The following CP variants were observed in gnomAD, a reference collection of about 807,000 sequenced individuals.
CP encodes caeruloplasmin.
A neutral mutation model predicts 122.4 loss-of-function variants in CP; 64 were observed. That is an observed-to-expected ratio of 0.52 (90% confidence interval 0.43 to 0.64). The LOEUF is 0.64. CP is among the 30% of genes least tolerant of loss of function. The pLI, the probability that CP is intolerant of heterozygous loss-of-function variation, is 0.00. For synonymous variants in CP, 440 were observed against 436.4 expected (o/e 1.01, Z -0.10); for missense variants, 1,167 against 1,284.4 (o/e 0.91, Z 1.40).
At chr3:149,162,434 T>G (rs1723959995) in exon 6 of CP, 2 of 1,147,870 alleles carry the variant, frequency 1.7e-6, no homozygotes, top group Non-Finnish European at 2.6e-6. Flanking sequence ...GTTTGTTTAT[T>G]GAAAAAACAG....
chr3:149,175,911 G>T, intron 18 of CP: 1 of 200,020 alleles, frequency 5.0e-6, no homozygotes, highest in East Asian at 1.3e-4. Context: ...TGTTAAGAAA[G>T]AAATTAGATT....
intron 9 of CP, 68 bp from the exon 10 acceptor site, chr3:149,188,270 C>T: frequency 7.6e-7 from 1 of 1,311,358 alleles, no homozygotes; most frequent in Non-Finnish European, 1.1e-6. Context: ...GTGCACAATA[C>T]TATTTATGCA....
At chr3:149,180,091 A>G (rs1041747597) in intron 14 of CP, 1 of 206,924 alleles carries the variant, frequency 4.8e-6, no homozygotes, top group African/African-American at 2.3e-5. Context: ...TATCTGGACT[A>G]TTTTGTGTAA....
chr3:149,178,040 A>C, intron 16 of CP, 61 bp from the exon 17 acceptor site: 1 of 1,443,656 alleles, frequency 6.9e-7, no homozygotes, highest in Non-Finnish European at 9.8e-7. Flanking sequence ...TAGCTATTTC[A>C]AAGAAAATAT....
At chr3:149,203,453 G>T (rs1451703458) in intron 6 of CP, among the ~76,000 whole-genome samples, 1 of 151,860 alleles carries the variant, frequency 6.6e-6, no homozygotes, top group African/African-American at 2.4e-5. Context: ...TAATAGAGAC[G>T]GGGCTTTGGT....
intron 1 of CP, among the ~76,000 whole-genome samples, chr3:149,216,199 G>C (rs1728446446): frequency 6.6e-6 from 1 of 152,142 alleles, no homozygotes; most frequent in Non-Finnish European, 1.5e-5. Flanking sequence ...ACTATTCTAT[G>C]GGTCAGAGTC....
chr3:149,194,365 A>T (rs1041506464), intron 9 of CP, among the ~76,000 whole-genome samples: 3 of 151,882 alleles, frequency 2.0e-5, no homozygotes, highest in African/African-American at 4.8e-5. Context: ...CAGCCTCCTG[A>T]GTAGCTGGGA....
chr3:149,213,390 T>C (rs1299765113), intron 1 of CP, among the ~76,000 whole-genome samples: 1 of 152,248 alleles, frequency 6.6e-6, no homozygotes, highest in East Asian at 1.9e-4. Flanking sequence ...CTTAAAACTT[T>C]CTTTAAAATA....
chr3:149,209,972 C>G (rs1283517113), intron 3 of CP, among the ~76,000 whole-genome samples, 195 bp downstream of exon 3: 1 of 152,110 alleles, frequency 6.6e-6, no homozygotes, highest in Admixed American at 6.6e-5. Context: ...GGCATTTTCC[C>G]CGTAGGAATG....
At chr3:149,177,734 A>T in intron 17 of CP, 106 bp downstream of exon 17, 1 of 1,196,552 alleles carries the variant, frequency 8.4e-7, no homozygotes, top group Non-Finnish European at 1.2e-6. Context: ...CACCGGCTGT[A>T]CTCTTTGCAG....
At chr3:149,198,858 T>A (rs1376425647) in intron 8 of CP, among the ~76,000 whole-genome samples, 1 of 152,226 alleles carries the variant, frequency 6.6e-6, no homozygotes, top group African/African-American at 2.4e-5. Context: ...CGTGTATTTC[T>A]CTCGAACAGA....
At chr3:149,216,319 T>C (rs1028027572) in intron 1 of CP, among the ~76,000 whole-genome samples, 1 of 152,160 alleles carries the variant, frequency 6.6e-6, no homozygotes, top group Non-Finnish European at 1.5e-5. Context: ...CCTAGCTCAT[T>C]TGGGTTATTG....
intron 9 of CP, among the ~76,000 whole-genome samples, chr3:149,196,172 C>G (rs935138313): frequency 4.6e-5 from 7 of 152,068 alleles, no homozygotes; most frequent in Non-Finnish European, 1.0e-4. Flanking sequence ...AATTGTGATT[C>G]TGAGACTGTT....
At chr3:149,180,097 T>G (rs1315352116) in intron 14 of CP, 1 of 201,064 alleles carries the variant, frequency 5.0e-6, no homozygotes, top group Non-Finnish European at 1.0e-5. Flanking sequence ...GACTATTTTG[T>G]GTAATTCCCT....
chr3:149,199,322 A>T (rs1156592330), intron 8 of CP, among the ~76,000 whole-genome samples: 1 of 152,208 alleles, frequency 6.6e-6, no homozygotes. Context: ...AAAATATAAG[A>T]GCGATTGCTT....
At chr3:149,197,833 GGA>G (rs1041207703) in intron 9 of CP, among the ~76,000 whole-genome samples, 3 of 152,202 alleles carry the variant, frequency 2.0e-5, no homozygotes, top group Non-Finnish European at 4.4e-5. Flanking sequence ...GCAGAGCTCA[GGA>G]GATAATGCTT....
At chr3:149,220,132 G>C (rs922941658) in intron 1 of CP, among the ~76,000 whole-genome samples, 2 of 152,026 alleles carry the variant, frequency 1.3e-5, no homozygotes, top group African/African-American at 4.8e-5. Context: ...AATTTCCTCC[G>C]CCCCCATTCA....
intron 9 of CP, among the ~76,000 whole-genome samples, chr3:149,195,585 T>C (rs1271321629): frequency 6.6e-6 from 1 of 152,144 alleles, no homozygotes; most frequent in East Asian, 1.9e-4. Context: ...AAAGCAAAGA[T>C]ATGAATACAC....
intron 14 of CP, 25 bp downstream of exon 14, chr3:149,181,980 C>CGGG: frequency 3.9e-6 from 2 of 515,888 alleles, no homozygotes; most frequent in Non-Finnish European, 7.4e-6. Context: ...AAATGCACCA[C>CGGG]CCCCACCCCC....
Sources: allele counts gnomAD v4.1 joint callset (sites outside exome capture counted in the v4.1 genomes callset), GRCh38; gene constraint gnomAD v4.1.1; transcripts MANE v1.5; gene names NCBI Gene and HGNC (gene_info 2026-07-23, HGNC 2026-07-21).